The following ARHGAP18 variants were observed in gnomAD, a reference collection of about 807,000 sequenced individuals.
ARHGAP18 encodes the protein rho GTPase-activating protein 18.
In ARHGAP18, 67 loss-of-function variants were observed where a neutral mutation model predicts 86.2. The ratio of observed to expected loss-of-function variants is 0.78; its 90% confidence interval spans 0.64 to 0.95. The LOEUF is 0.95. Among genes scored for constraint, ARHGAP18 ranks in the 40% least tolerant of loss-of-function variants. The pLI is 0.00. For synonymous variants in ARHGAP18, 283 were observed against 280.4 expected, an observed-to-expected ratio of 1.01 and a Z score of -0.09; for missense variants, 691 against 780.4, an observed-to-expected ratio of 0.89 and a Z score of 1.37.
Position 129,636,482 on chromosome 6 carries a change from CAT to C in ARHGAP18, c.552+1910_552+1911del, listed in dbSNP as rs560948725. Among the ~76,000 whole-genome samples, 4 of 152,314 alleles carry C rather than the reference CAT, an allele frequency of 2.6e-5. No homozygotes were observed. The South Asian group carries it at 8.3e-4, about 32-fold the overall frequency. ...TATTCAGGATGCTTAATGTCAGAAT[CAT>C]GTACAAAATGCAAATATACCAGGAT... On this transcript the variant is annotated intron_variant, in intron 3 of 14. Transcript: ENST00000368149.
Position 129,576,641 on chromosome 6 carries a change from C to T in ARHGAP18, c.*1872G>A, listed in dbSNP as rs1468311279. 1 of 152,154 alleles carries T rather than the reference C, an allele frequency of 6.6e-6. No individual in the cohort carries two copies. The highest frequency in any genetic ancestry group is 1.9e-4 in the East Asian group (1 of 5,202). The allele number at this position is 152,154 out of a possible 1,614,324, so 9.4% of individuals were successfully genotyped here. On this transcript the variant is annotated 3_prime_UTR_variant, in exon 15 of 15. Coordinates refer to ENST00000368149, the MANE Select transcript of ARHGAP18 (RefSeq NM_033515.3). ...AATATGTTGTGTCTCCCTCCTGACC[C>T]TCCTTTTCAGGTAGGTAGCAAACGT...
intron 10 of ARHGAP18, among the ~76,000 whole-genome samples, chr6:129,605,223 A>C (rs1373683394): frequency 6.6e-6 from 1 of 152,234 alleles, no homozygotes; most frequent in African/African-American, 2.4e-5. Context: ...TCAGTGTGGC[A>C]CAATCCCTGA....
chr6:129,629,272 CGTGTGTGTGTATGTATAT>C (rs1773133426), intron 5 of ARHGAP18, 63 bp downstream of exon 5: 3 of 1,090,870 alleles, frequency 2.8e-6, no homozygotes, highest in Non-Finnish European at 3.9e-6. Context: ...TGTGTGTGTG[CGTGTGTGTGTATGTATAT>C]GTGTGTGTGT....
chr6:129,625,675 TTATA>T (rs1412441675), intron 5 of ARHGAP18, among the ~76,000 whole-genome samples: 1 of 36,832 alleles, frequency 2.7e-5, no homozygotes. Context: ...TTATATTATA[TTATA>T]TATATTTATA....
intron 2 of ARHGAP18, 68 bp downstream of exon 2, chr6:129,641,746 TCC>T: frequency 3.6e-6 from 5 of 1,389,712 alleles, no homozygotes; most frequent in African/African-American, 1.5e-5. Context: ...TTTGTTCTCT[TCC>T]TTTCTATGCA....
At chr6:129,700,529 A>G (rs1009381607) in intron 1 of ARHGAP18, among the ~76,000 whole-genome samples, 1 of 152,262 alleles carries the variant, frequency 6.6e-6, no homozygotes, top group African/African-American at 2.4e-5. Context: ...AAATAAAGGC[A>G]TTATACTGCA....
intron 1 of ARHGAP18, among the ~76,000 whole-genome samples, chr6:129,689,458 A>G (rs1033803287): frequency 1.3e-5 from 2 of 151,982 alleles, no homozygotes; most frequent in African/African-American, 2.4e-5. Context: ...ATGAACGGCT[A>G]ATTTTTGTAT....
intron 5 of ARHGAP18, among the ~76,000 whole-genome samples, chr6:129,627,919 T>C (rs1268813406): frequency 6.6e-6 from 1 of 152,138 alleles, no homozygotes; most frequent in Non-Finnish European, 1.5e-5. Flanking sequence ...CCCCTCTTTG[T>C]CTTTTAGAAA....
At chr6:129,611,281 C>T (rs896285544) in intron 8 of ARHGAP18, among the ~76,000 whole-genome samples, 8 of 152,156 alleles carry the variant, frequency 5.3e-5, no homozygotes, top group African/African-American at 4.8e-5. Flanking sequence ...AATATTTTAA[C>T]TCATCACATT....
In ARHGAP18 at chr6:129,629,645, C is replaced by A. The variant is rs1277364158; in HGVS notation, c.617-123G>T. On this transcript the variant is annotated intron_variant, in intron 4 of 14. Coordinates refer to ENST00000368149, the MANE Select transcript of ARHGAP18 (RefSeq NM_033515.3). ...ACTATTTTCTCTAGGCAATACTTAG[C>A]CGTTATTTTAATACTAAAGAGTATA... 3 of 1,006,784 alleles carry A rather than the reference C, an allele frequency of 3.0e-6. No individual in the cohort carries two copies. The African/African-American group carries it at 4.9e-5, about 16-fold the overall frequency. 62.4% of individuals were successfully genotyped at this position (1,006,784 alleles called of 1,614,324 possible).
chr6:129,706,885 C>CAA lies in ARHGAP18; in HGVS notation c.113+3137_113+3138dup, dbSNP rs34099358. On this transcript the variant is annotated intron_variant, in intron 1 of 14. Coordinates refer to ENST00000368149, the MANE Select transcript of ARHGAP18 (RefSeq NM_033515.3). Reference sequence around the variant, plus strand: ...TGGGTGACAGAGTAAGACTCTGTCTCAAAAAAAAAAAAAAAAAAAAAAGAC... The same window carrying CAA: ...TGGGTGACAGAGTAAGACTCTGTCTCAAAAAAAAAAAAAAAAAAAAAAAAGAC... Among the ~76,000 whole-genome samples the CAA allele has an allele frequency of 1.6e-3, 98 of 60,832 alleles. 1 individual carries two copies. The highest frequency in any genetic ancestry group is 2.6e-3 in the East Asian group (5 of 1,932). 39.9% of individuals were successfully genotyped at this position (60,832 alleles called of 152,430 possible). A position where few individuals can be genotyped will look rare whatever the true frequency, so the allele number is the denominator to read the frequency against.
chr6:129,614,135 C>T (rs1789042197), intron 7 of ARHGAP18, among the ~76,000 whole-genome samples: 2 of 152,134 alleles, frequency 1.3e-5, no homozygotes, highest in South Asian at 4.1e-4. Flanking sequence ...ATAACAGGTA[C>T]AGGTTCATAG....
intron 1 of ARHGAP18, among the ~76,000 whole-genome samples, chr6:129,666,585 C>A (rs150860865): frequency 6.6e-6 from 1 of 152,346 alleles, no homozygotes; most frequent in East Asian, 1.9e-4. Flanking sequence ...CACCGTTCAG[C>A]CACATCCTGG....
intron 1 of ARHGAP18, among the ~76,000 whole-genome samples, chr6:129,669,614 C>T (rs1272352370): frequency 1.3e-5 from 2 of 151,570 alleles, no homozygotes; most frequent in African/African-American, 4.8e-5. Flanking sequence ...GGAGAAACCC[C>T]GTCTCTATTA....
chr6:129,621,883 C>T (rs1789236875), intron 5 of ARHGAP18, among the ~76,000 whole-genome samples: 1 of 152,042 alleles, frequency 6.6e-6, no homozygotes, highest in Non-Finnish European at 1.5e-5. Context: ...TAAACATGGC[C>T]ACAAAGCCAG....
intron 1 of ARHGAP18, among the ~76,000 whole-genome samples, chr6:129,691,413 C>T (rs1457378317): frequency 1.3e-5 from 2 of 152,190 alleles, no homozygotes; most frequent in African/African-American, 4.8e-5. Context: ...AAAAAGAATT[C>T]TGTGCACTTT....
In ARHGAP18 at chr6:129,638,467, C is replaced by T; in HGVS notation, c.479G>A (p.Arg160Lys). 6.2e-7 allele frequency: 1 copy of T among 1,613,272 alleles called. No individual in the cohort carries two copies. Among genetic ancestry groups the T allele is most frequent in the Non-Finnish European group, 8.5e-7 (1 of 1,179,772 alleles). Residue 160 changes from arginine (R) to lysine (K), a missense_variant, in exon 3 of 15, where the codon AGG becomes AAG. Transcript: ENST00000368149. ...KRVETVSQTL[R>K]KKNKQYQIPD... ...AATCTGGTACTGTTTGTTTTTTTTC[C>T]TCAAGGTCTGGGAGACCGTCTCTAC...
chr6:129,644,907 T>C (rs1238083319), intron 1 of ARHGAP18, among the ~76,000 whole-genome samples: 1 of 152,236 alleles, frequency 6.6e-6, no homozygotes, highest in Non-Finnish European at 1.5e-5. Flanking sequence ...GCTGATGAAT[T>C]GACTCAATAT....
At chr6:129,683,141 G>A (rs192224701) in intron 1 of ARHGAP18, among the ~76,000 whole-genome samples, 18 of 150,158 alleles carry the variant, frequency 1.2e-4, no homozygotes, top group African/African-American at 4.2e-4. Flanking sequence ...GCGTGATCTC[G>A]GCTCACTGCA....
Sources: gnomAD v4.1 joint callset for allele counts (sites outside exome capture counted in the v4.1 genomes callset) on GRCh38, gnomAD v4.1.1 for gene constraint, MANE v1.5 for transcripts, NCBI Gene and HGNC (gene_info 2026-07-23, HGNC 2026-07-21) for gene names.